ITGA1: variants seen among roughly 807,000 people sequenced by gnomAD.
ITGA1 encodes the protein integrin alpha-1.
In ITGA1, 85 loss-of-function variants were observed where a neutral mutation model predicts 145.9. The ratio of observed to expected loss-of-function variants is 0.58; its 90% CI spans 0.49 to 0.70. The LOEUF (loss-of-function observed/expected upper bound fraction) is 0.70. ITGA1 is among the 30% of genes least tolerant of loss of function. The pLI, the probability that ITGA1 is intolerant of heterozygous loss-of-function variation, is 0.00. For synonymous variants in ITGA1, 520 were observed against 495.3 expected (o/e 1.05, Z -0.66); for missense variants, 1,351 against 1,418.7 (o/e 0.95, Z 0.77).
chr5:52,912,638 T>A (rs1479354645), intron 14 of ITGA1, among the ~76,000 whole-genome samples: 1 of 146,960 alleles, frequency 6.8e-6, no homozygotes, highest in Admixed American at 6.8e-5. Context: ...AGTGTATCTA[T>A]ATACTAGATA....
chr5:52,913,205 G>A (rs976946347), intron 14 of ITGA1, among the ~76,000 whole-genome samples: 30 of 152,058 alleles, frequency 2.0e-4, no homozygotes, highest in African/African-American at 7.0e-4. Flanking sequence ...AGTGTGTCCC[G>A]TTCTAAATAG....
intron 1 of ITGA1, among the ~76,000 whole-genome samples, chr5:52,842,580 T>A (rs1163946547): frequency 5.9e-5 from 9 of 152,224 alleles, no homozygotes; most frequent in African/African-American, 1.9e-4. Context: ...AATTTGTATT[T>A]CTTGCAGCAA....
Position 52,915,561 on chromosome 5 carries a change from C to T in ITGA1, c.1955C>T (p.Thr652Ile). 2 of 1,613,982 alleles carry T rather than the reference C, an allele frequency of 1.2e-6. No individual in the cohort carries two copies. The highest frequency in any genetic ancestry group is 3.3e-5 in the Admixed American group (2 of 59,994). The part of the protein sequence containing the change: ...DLNGDGLTDV[T>I]IGGLGGAALF... ...AATGGTGACGGTCTGACAGATGTGACTATTGGGGGCCTTGGTGGTGCTGCC... is the reference window on the plus strand; with the variant it reads ...AATGGTGACGGTCTGACAGATGTGATTATTGGGGGCCTTGGTGGTGCTGCC... The change falls in exon 15 of 29, where the codon ACT becomes ATT. Residue 652 changes from threonine to isoleucine, a missense_variant. Thr to Ile is a moderately conservative substitution (Grantham distance 89). Coordinates refer to ENST00000282588, the MANE Select transcript of ITGA1 (RefSeq NM_181501.2).
intron 9 of ITGA1, 123 bp from the exon 10 acceptor site, chr5:52,897,332 C>A: frequency 1.5e-6 from 1 of 669,342 alleles, no homozygotes; most frequent in Non-Finnish European, 2.5e-6. Context: ...TGAAAATGCC[C>A]TAAGATGTTT....
At chr5:52,801,714 G>C in intron 1 of ITGA1, 1 of 1,614,126 alleles carries the variant, frequency 6.2e-7, no homozygotes, top group Non-Finnish European at 8.5e-7. Flanking sequence ...GCACCGTTAG[G>C]ATATTCTCTA....
intron 5 of ITGA1, 42 bp from the exon 6 acceptor site, chr5:52,865,648 A>G (rs759994827): frequency 1.4e-6 from 2 of 1,412,328 alleles, no homozygotes; most frequent in South Asian, 3.7e-5. Flanking sequence ...GCCTCTGAAA[A>G]AAATAGATTC....
At chr5:52,828,146 A>G (rs1175007707) in intron 1 of ITGA1, among the ~76,000 whole-genome samples, 1 of 152,174 alleles carries the variant, frequency 6.6e-6, no homozygotes, top group African/African-American at 2.4e-5. Flanking sequence ...TATGTTTTCA[A>G]TTCTTTGGGG....
At chr5:52,876,717 C>A (rs1357629922) in intron 6 of ITGA1, among the ~76,000 whole-genome samples, 2 of 152,168 alleles carry the variant, frequency 1.3e-5, no homozygotes, top group African/African-American at 4.8e-5. Flanking sequence ...ATAGTCCATA[C>A]TCTTTACCCC....
At chr5:52,848,624 A>G (rs1749375161) in intron 1 of ITGA1, among the ~76,000 whole-genome samples, 1 of 152,000 alleles carries the variant, frequency 6.6e-6, no homozygotes, top group Non-Finnish European at 1.5e-5. Flanking sequence ...CATGTGCACA[A>G]TGTGCAAGTT....
intron 6 of ITGA1, among the ~76,000 whole-genome samples, chr5:52,873,153 T>A (rs1395113329): frequency 6.6e-6 from 1 of 152,202 alleles, no homozygotes; most frequent in Non-Finnish European, 1.5e-5. Context: ...CCTCTTTCCC[T>A]TACTTTGCTT....
At chr5:52,924,965 G>A (rs932472908) in intron 18 of ITGA1, among the ~76,000 whole-genome samples, 1 of 152,220 alleles carries the variant, frequency 6.6e-6, no homozygotes, top group South Asian at 2.1e-4. Flanking sequence ...AGTAGATTTA[G>A]ATCTTGCAGT....
At chr5:52,948,241 A>C (rs1751163689) in intron 28 of ITGA1, among the ~76,000 whole-genome samples, 1 of 152,178 alleles carries the variant, frequency 6.6e-6, no homozygotes, top group African/African-American at 2.4e-5. Flanking sequence ...TACAGAGTTG[A>C]ATGTTTTTTC....
In ITGA1 at chr5:52,952,706, T is replaced by A. The variant is rs1751243136; in HGVS notation, c.*255T>A. The A allele has an allele frequency of 1.0e-5, 2 of 197,446 alleles. No individual in the cohort carries two copies. Among genetic ancestry groups the A allele is most frequent in the African/African-American group, 4.6e-5 (2 of 43,198 alleles). 12.2% of individuals were successfully genotyped at this position (197,446 alleles called of 1,614,324 possible). ...AGTAAGCAAAATTACAAAGTGTTTT[T>A]AAAAAAACCTGTACAAATATGTTTA... On this transcript the variant is annotated 3_prime_UTR_variant, in exon 29 of 29. Coordinates refer to ENST00000282588, the MANE Select transcript of ITGA1 (RefSeq NM_181501.2).
intron 1 of ITGA1, among the ~76,000 whole-genome samples, chr5:52,792,316 A>G (rs1474786150): frequency 6.6e-6 from 1 of 152,030 alleles, no homozygotes; most frequent in Non-Finnish European, 1.5e-5. Context: ...ACAAAGAATG[A>G]CTCCCAATGG....
At chr5:52,909,102 A>G in intron 13 of ITGA1, 61 bp downstream of exon 13, 2 of 1,527,042 alleles carry the variant, frequency 1.3e-6, no homozygotes, top group South Asian at 2.5e-5. Flanking sequence ...TCATTTTTTA[A>G]TAATAAATTC....
intron 15 of ITGA1, 107 bp downstream of exon 15, chr5:52,915,701 C>T: frequency 7.4e-7 from 1 of 1,346,968 alleles, no homozygotes; most frequent in South Asian, 1.4e-5. Context: ...TTTTGTGTTC[C>T]ACTATGCAAA....
intron 7 of ITGA1, among the ~76,000 whole-genome samples, chr5:52,885,902 T>C (rs775636261): frequency 6.6e-6 from 1 of 152,216 alleles, no homozygotes; most frequent in Non-Finnish European, 1.5e-5. Context: ...TGAATTGGAC[T>C]TTGGTTTGAT....
intron 24 of ITGA1, among the ~76,000 whole-genome samples, chr5:52,939,332 T>C (rs1253800461): frequency 6.6e-6 from 1 of 152,238 alleles, no homozygotes; most frequent in Non-Finnish European, 1.5e-5. Flanking sequence ...ATTAGCATTC[T>C]TTCTTTTCCA....
At chr5:52,798,109 T>A (rs1401132422) in intron 1 of ITGA1, among the ~76,000 whole-genome samples, 1 of 152,210 alleles carries the variant, frequency 6.6e-6, no homozygotes, top group African/African-American at 2.4e-5. Flanking sequence ...ACAAGATACT[T>A]TTTTTAAAAT....
Sources: gnomAD v4.1 joint callset for allele counts (sites outside exome capture counted in the v4.1 genomes callset) on GRCh38, gnomAD v4.1.1 for gene constraint, MANE v1.5 for transcripts, NCBI Gene and HGNC (gene_info 2026-07-23, HGNC 2026-07-21) for gene names.